Variants in HTR1F observed in about 807,000 individuals in gnomAD.
HTR1F encodes the protein 5-hydroxytryptamine receptor 1F.
In HTR1F, 17 loss-of-function variants were observed where a neutral mutation model predicts 24.0. That is an observed-to-expected ratio of 0.71 (90% CI 0.48 to 1.06). The LOEUF (loss-of-function observed/expected upper bound fraction) is 1.06. HTR1F is among the 50% of genes least tolerant of loss of function. HTR1F has a pLI of 0.00. For missense variants in HTR1F, 391 were observed against 427.8 expected (o/e 0.91, Z 0.76); for synonymous variants, 186 against 156.8 (o/e 1.19, Z -1.39).
intron 2 of HTR1F, among the ~76,000 whole-genome samples, chr3:87,904,522 T>G (rs1388995537): frequency 6.6e-6 from 1 of 152,076 alleles, no homozygotes; most frequent in African/African-American, 2.4e-5. Flanking sequence ...GGTATAGTCA[T>G]AGCATACAAT....
intron 2 of HTR1F, among the ~76,000 whole-genome samples, chr3:87,875,726 C>T (rs1705655638): frequency 6.6e-6 from 1 of 151,660 alleles, no homozygotes; most frequent in Non-Finnish European, 1.5e-5. Flanking sequence ...AGATTGAGAC[C>T]ATCCTGGCTA....
intron 2 of HTR1F, among the ~76,000 whole-genome samples, chr3:87,946,480 A>G (rs1704708211): frequency 6.6e-6 from 1 of 152,096 alleles, no homozygotes; most frequent in Non-Finnish European, 1.5e-5. Flanking sequence ...ATTTTTATTT[A>G]TAAGAATAAA....
At chr3:87,813,790 G>A (rs1190594262) in intron 1 of HTR1F, among the ~76,000 whole-genome samples, 3 of 152,118 alleles carry the variant, frequency 2.0e-5, no homozygotes, top group East Asian at 3.8e-4. Flanking sequence ...GGTTTTATAC[G>A]TGTTTGACAG....
intron 2 of HTR1F, among the ~76,000 whole-genome samples, chr3:87,943,518 C>A (rs1006732143): frequency 3.3e-5 from 5 of 151,290 alleles, no homozygotes; most frequent in Admixed American, 1.3e-4. Context: ...CTTTGGTTAC[C>A]CCTTTGTCTA....
intron 2 of HTR1F, among the ~76,000 whole-genome samples, chr3:87,964,857 C>T (rs1409362841): frequency 6.6e-6 from 1 of 152,080 alleles, no homozygotes; most frequent in Non-Finnish European, 1.5e-5. Context: ...CCAGGTGTCA[C>T]GGGAGGGGCT....
intron 2 of HTR1F, among the ~76,000 whole-genome samples, chr3:87,841,316 C>T (rs73845080): frequency 0.069 from 10,408 of 151,726 alleles, 1,313 homozygotes; most frequent in African/African-American, 0.23. Flanking sequence ...CTCTTGTAAA[C>T]ATTAAAGCAA....
chr3:87,917,073 T>C (rs1340687754), intron 2 of HTR1F, among the ~76,000 whole-genome samples: 2 of 151,978 alleles, frequency 1.3e-5, no homozygotes, highest in South Asian at 2.1e-4. Flanking sequence ...TCCAAAACCA[T>C]GCAAATACAT....
rs555587733 is a variant in HTR1F, at chr3:87,937,391, C to A, written c.-42-53317C>A. Among the ~76,000 whole-genome samples, 6 of 152,244 alleles carry A rather than the reference C, an allele frequency of 3.9e-5. No homozygotes were observed. In the East Asian group the frequency reaches 1.2e-3, roughly 29 times the overall value. On this transcript the variant is annotated intron_variant, in intron 2 of 2. Transcript: ENST00000319595. Reference sequence around the variant, plus strand: ...AACGACATGATTGTCTCAGTAGATGCAGAAAAGGCTTTTGATAAAATTCGA... The same window carrying A: ...AACGACATGATTGTCTCAGTAGATGAAGAAAAGGCTTTTGATAAAATTCGA...
intron 2 of HTR1F, among the ~76,000 whole-genome samples, chr3:87,953,794 T>C (rs1704885785): frequency 6.6e-6 from 1 of 151,746 alleles, no homozygotes; most frequent in African/African-American, 2.4e-5. Flanking sequence ...TAAGTGCCCA[T>C]CGATGGCTAA....
At chr3:87,826,305 G>C (rs1704460685) in intron 2 of HTR1F, among the ~76,000 whole-genome samples, 1 of 152,168 alleles carries the variant, frequency 6.6e-6, no homozygotes, top group Admixed American at 6.5e-5. Context: ...GCTGGAAACT[G>C]TTTCTCTTCA....
intron 2 of HTR1F, among the ~76,000 whole-genome samples, chr3:87,978,419 A>G (rs1292759643): frequency 6.6e-6 from 1 of 152,172 alleles, no homozygotes; most frequent in African/African-American, 2.4e-5. Context: ...CTAGAGAGTG[A>G]GCAAGGTGAA....
At chr3:87,964,763 G>A (rs1705129070) in intron 2 of HTR1F, among the ~76,000 whole-genome samples, 1 of 152,134 alleles carries the variant, frequency 6.6e-6, no homozygotes. Flanking sequence ...CCTCTGAGTA[G>A]CCCAGCTATA....
chr3:87,823,683 G>A (rs914488941), intron 2 of HTR1F, among the ~76,000 whole-genome samples: 2 of 151,378 alleles, frequency 1.3e-5, no homozygotes, highest in Non-Finnish European at 2.9e-5. Flanking sequence ...CACCATGCCC[G>A]GCCAAGGCTG....
At chr3:87,951,839 C>T (rs867841260) in intron 2 of HTR1F, among the ~76,000 whole-genome samples, 7 of 152,054 alleles carry the variant, frequency 4.6e-5, no homozygotes, top group Non-Finnish European at 8.8e-5. Flanking sequence ...TTCATCTCCT[C>T]CTGTTTCCTG....
intron 2 of HTR1F, among the ~76,000 whole-genome samples, chr3:87,911,469 AAT>A (rs1333076159): frequency 2.0e-5 from 3 of 152,140 alleles, no homozygotes; most frequent in Non-Finnish European, 4.4e-5. Flanking sequence ...CTGAATCAGT[AAT>A]AAATAGCCTA....
intron 2 of HTR1F, among the ~76,000 whole-genome samples, chr3:87,882,783 C>T (rs1705835910): frequency 6.6e-6 from 1 of 151,772 alleles, no homozygotes; most frequent in Non-Finnish European, 1.5e-5. Flanking sequence ...TGCAGCGCAC[C>T]AGCATGGCAC....
chr3:87,931,549 A>C (rs374419776), intron 2 of HTR1F, among the ~76,000 whole-genome samples: 1 of 152,074 alleles, frequency 6.6e-6, no homozygotes, highest in African/African-American at 2.4e-5. Context: ...TTTATAGTCC[A>C]TTGGGTATAT....
At chr3:87,989,405 T>A (rs2107525273) in intron 2 of HTR1F, among the ~76,000 whole-genome samples, 1 of 152,336 alleles carries the variant, frequency 6.6e-6, no homozygotes, top group South Asian at 2.1e-4. Context: ...ATTATTATAA[T>A]GGGCAGTGTT....
intron 2 of HTR1F, among the ~76,000 whole-genome samples, chr3:87,935,342 A>G (rs1455545103): frequency 4.6e-5 from 7 of 152,176 alleles, no homozygotes; most frequent in African/African-American, 1.7e-4. Flanking sequence ...GTGACTCTGC[A>G]TTGCATTGAC....
Sources: gnomAD v4.1 joint callset for allele counts (sites outside exome capture counted in the v4.1 genomes callset) on GRCh38, gnomAD v4.1.1 for gene constraint, MANE v1.5 for transcripts, NCBI Gene and HGNC (gene_info 2026-07-23, HGNC 2026-07-21) for gene names.